Variants in OTOGL observed in about 807,000 individuals in gnomAD.
OTOGL encodes the protein otogelin-like protein.
Under a neutral mutation model 318.5 loss-of-function variants are expected in OTOGL, and 285 were observed. The ratio of observed to expected loss-of-function variants is 0.89; its 90% CI spans 0.81 to 0.99. The LOEUF (loss-of-function observed/expected upper bound fraction) is 0.99, where lower values mean the gene tolerates loss of function less well. Among genes scored for constraint, OTOGL ranks in the 50% least tolerant of loss-of-function variants. OTOGL has a pLI of 0.00. For synonymous variants in OTOGL, 987 were observed against 936.5 expected (o/e 1.05, Z -0.99); for missense variants, 2,899 against 2,845.6 (o/e 1.02, Z -0.43).
chr12:80,374,267 A>G (rs991181721), intron 57 of OTOGL, among the ~76,000 whole-genome samples: 2 of 152,008 alleles, frequency 1.3e-5, no homozygotes, highest in Non-Finnish European at 1.5e-5. Context: ...CCAGATTTCC[A>G]CTTTTTACAT....
At position 80,226,223 on chromosome 12, in the gene OTOGL, C is replaced by G. The variant is rs1592572112; in HGVS notation, c.490-3034C>G. 2.7e-5 allele frequency among the ~76,000 whole-genome samples: 4 copies of G among 147,540 alleles called. No individual in the cohort carries two copies. The South Asian group carries it at 8.7e-4, about 32-fold the overall frequency. ...ACACACACACACACACACACACACACTTCCCTTCACTCCTCCTAATAGAGT... is the reference window on the plus strand; with the variant it reads ...ACACACACACACACACACACACACAGTTCCCTTCACTCCTCCTAATAGAGT... On this transcript the variant is annotated intron_variant, in intron 7 of 58. Transcript: ENST00000547103.
rs374050505 is a variant in OTOGL at position 80,256,529 on chromosome 12, G to A, written c.1711+69G>A. The A allele has an allele frequency of 2.7e-4, 154 of 579,752 alleles. 1 individual carries two copies. The East Asian group carries it at 2.7e-3, about 10-fold the overall frequency. 35.9% of individuals were successfully genotyped at this position (579,752 alleles called of 1,614,324 possible). On this transcript the variant is annotated intron_variant, in intron 17 of 58. Coordinates refer to ENST00000547103, the MANE Select transcript of OTOGL (RefSeq NM_001378609.3). ...ACAAACAAACAAACAAACAACACACGCAAACAAAATGGGATCTTTTCCTAA... is the reference window on the plus strand; with the variant it reads ...ACAAACAAACAAACAAACAACACACACAAACAAAATGGGATCTTTTCCTAA...
intron 11 of OTOGL, among the ~76,000 whole-genome samples, chr12:80,246,376 T>G (rs1880890160): frequency 7.1e-6 from 1 of 141,662 alleles, no homozygotes; most frequent in South Asian, 2.3e-4. Context: ...GCATGAAGGG[T>G]TGTTGAATTT....
chr12:80,212,215 T>TC (rs898789471), intron 4 of OTOGL, among the ~76,000 whole-genome samples: 8 of 152,186 alleles, frequency 5.3e-5, no homozygotes, highest in African/African-American at 1.9e-4. Flanking sequence ...AATACACATT[T>TC]TTTTTTTGCT....
At chr12:80,199,617 T>G (rs1420363394) in intron 1 of OTOGL, among the ~76,000 whole-genome samples, 2 of 152,182 alleles carry the variant, frequency 1.3e-5, no homozygotes, top group Non-Finnish European at 2.9e-5. Flanking sequence ...TAATGTATGG[T>G]TTTACTCATA....
In OTOGL at chr12:80,271,792, G is replaced by A; in HGVS notation, c.2663G>A (p.Gly888Asp). 4 of 1,612,596 alleles carry A rather than the reference G, an allele frequency of 2.5e-6. No homozygotes were observed. The highest frequency in any genetic ancestry group is 3.4e-6 in the Non-Finnish European group (4 of 1,179,198). Residue 888 changes from glycine (G) to aspartate (D), a missense_variant, in exon 24 of 59, where the codon GGC becomes GAC. Around this residue, in one of 3 missense-constraint regions of OTOGL, gnomAD observed 2,607 missense variants for 2,524.9 expected, o/e 1.03. Coordinates refer to ENST00000547103, the MANE Select transcript of OTOGL (RefSeq NM_001378609.3). ...TCTPSSPCIS[G>D]CVCAPGMAEH... ...ACCCCATCCTCACCCTGTATAAGTG[G>A]CTGTGTTTGTGCTCCAGGGTAAGCC...
chr12:80,206,094 T>C (rs997711466), intron 1 of OTOGL, among the ~76,000 whole-genome samples: 1 of 152,198 alleles, frequency 6.6e-6, no homozygotes, highest in Non-Finnish European at 1.5e-5. Flanking sequence ...CTTCACAAGC[T>C]GGTGGCTGGC....
intron 52 of OTOGL, among the ~76,000 whole-genome samples, chr12:80,359,161 TA>T (rs1890095616): frequency 6.6e-6 from 1 of 152,156 alleles, no homozygotes; most frequent in Admixed American, 6.6e-5. Flanking sequence ...TTCCCTGTAT[TA>T]AAATGAAGCA....
At chr12:80,336,279 C>T (rs1888394727) in intron 39 of OTOGL, 134 bp from the exon 40 acceptor site, 1 of 1,339,852 alleles carries the variant, frequency 7.5e-7, no homozygotes, top group East Asian at 2.6e-5. Flanking sequence ...GATTTTGGCT[C>T]ACAGTATATA....
At chr12:80,272,534 TA>T (rs1388020695) in intron 24 of OTOGL, among the ~76,000 whole-genome samples, 2 of 152,008 alleles carry the variant, frequency 1.3e-5, no homozygotes, top group Admixed American at 6.6e-5. Flanking sequence ...GGCACACATA[TA>T]ATCTGGCCTC....
chr12:80,264,949 C>G, intron 19 of OTOGL, 52 bp from the exon 20 acceptor site: 1 of 1,542,994 alleles, frequency 6.5e-7, no homozygotes, highest in Non-Finnish European at 9.0e-7. Flanking sequence ...TTGGATAATT[C>G]TGGGGTAAGA....
At chr12:80,107,698 C>A (rs189589330) in intron 1 of OTOGL, among the ~76,000 whole-genome samples, 1 of 152,132 alleles carries the variant, frequency 6.6e-6, no homozygotes, top group Admixed American at 6.5e-5. Context: ...TGGAATCAAC[C>A]TAAAGGCCCA....
chr12:80,323,646 C>G (rs1387783769), intron 34 of OTOGL, 77 bp from the exon 35 acceptor site: 12 of 1,145,786 alleles, frequency 1.0e-5, no homozygotes, highest in Middle Eastern at 2.0e-4. Flanking sequence ...GAGACTGTCT[C>G]AAGAAAGAAA....
intron 57 of OTOGL, among the ~76,000 whole-genome samples, chr12:80,372,649 T>C (rs528048920): frequency 7.5e-4 from 114 of 152,178 alleles, no homozygotes; most frequent in Non-Finnish European, 1.2e-3. Flanking sequence ...GAATGCAATA[T>C]ATTTTTTATT....
At chr12:80,153,835 T>C (rs1272775206) in intron 1 of OTOGL, among the ~76,000 whole-genome samples, 1 of 152,200 alleles carries the variant, frequency 6.6e-6, no homozygotes, top group Non-Finnish European at 1.5e-5. Context: ...TTGGCTTTTT[T>C]CACTTAGTAA....
intron 21 of OTOGL, 93 bp downstream of exon 21, chr12:80,266,709 T>A: frequency 1.6e-6 from 2 of 1,280,362 alleles, no homozygotes; most frequent in Non-Finnish European, 2.1e-6. Flanking sequence ...TTGAAAAAAA[T>A]ATTTCTTATT....
chr12:80,307,470 G>T (rs1886228349), intron 29 of OTOGL, among the ~76,000 whole-genome samples: 1 of 148,658 alleles, frequency 6.7e-6, no homozygotes, highest in Non-Finnish European at 1.5e-5. Context: ...GGACGGGGTG[G>T]CTGGCCGGGC....
chr12:80,358,619 G>C (rs1260831789), intron 50 of OTOGL, 52 bp from the exon 51 acceptor site: 113 of 1,408,046 alleles, frequency 8.0e-5, no homozygotes, highest in Non-Finnish European at 1.1e-4. Flanking sequence ...TAGGTAATGA[G>C]AAATGGCAAC....
intron 2 of OTOGL, 123 bp downstream of exon 2, chr12:80,209,633 A>G: frequency 2.0e-6 from 1 of 507,366 alleles, no homozygotes; most frequent in Non-Finnish European, 3.3e-6. Context: ...ACTAAATGAT[A>G]CTCAGATCAC....
Sources: gnomAD v4.1 joint callset for allele counts (sites outside exome capture counted in the v4.1 genomes callset) on GRCh38, gnomAD v4.1.1 for gene constraint, gnomAD v4.1.1 regional missense constraint, MANE v1.5 for transcripts, NCBI Gene and HGNC (gene_info 2026-07-23, HGNC 2026-07-21) for gene names.